ANKS1B: variants seen among roughly 807,000 people sequenced by gnomAD.
ANKS1B encodes ankyrin repeat and sterile alpha motif domain containing 1B, also known as ankyrin repeat and sterile alpha motif domain-containing protein 1B.
ANKS1B carries 36 observed loss-of-function variants against 148.3 expected under a neutral mutation model. The ratio of observed to expected loss-of-function variants is 0.24; its 90% CI spans 0.19 to 0.32. The LOEUF is 0.32. Ranked by LOEUF, ANKS1B falls within the 10% of genes least tolerant of loss-of-function variation. The pLI, the probability that ANKS1B is intolerant of heterozygous loss-of-function variation, is 1.00. For synonymous variants in ANKS1B, 542 were observed against 560.8 expected (o/e 0.97, Z 0.47); for missense variants, 1,157 against 1,542.6 (o/e 0.75, Z 4.19).
intron 1 of ANKS1B, among the ~76,000 whole-genome samples, chr12:99,943,833 A>G (rs1217422441): frequency 1.3e-5 from 2 of 152,012 alleles, no homozygotes; most frequent in East Asian, 3.9e-4. Context: ...TTATACTTTA[A>G]GTTCTGGGAT....
At chr12:98,749,250 C>A (rs2098001653) in intron 26 of ANKS1B, among the ~76,000 whole-genome samples, 1 of 152,010 alleles carries the variant, frequency 6.6e-6, no homozygotes, top group Admixed American at 6.5e-5. Flanking sequence ...AGGCACCCAC[C>A]ACCACGCCCA....
At chr12:99,967,749 A>C (rs2095503353) in intron 1 of ANKS1B, among the ~76,000 whole-genome samples, 1 of 151,962 alleles carries the variant, frequency 6.6e-6, no homozygotes, top group South Asian at 2.1e-4. Flanking sequence ...TCTACTAAAA[A>C]TACAAAAATT....
At chr12:98,895,230 G>T (rs1041022850) in intron 17 of ANKS1B, 1 of 985,556 alleles carries the variant, frequency 1.0e-6, no homozygotes, top group African/African-American at 1.7e-5. Context: ...GCGCGCGGGG[G>T]CCTCCTCCTG....
At chr12:99,814,826 C>G (rs1041587337) in intron 2 of ANKS1B, among the ~76,000 whole-genome samples, 2 of 151,746 alleles carry the variant, frequency 1.3e-5, no homozygotes, top group African/African-American at 4.8e-5. Flanking sequence ...AAAAGTTGTT[C>G]TCAAGGCAGA....
chr12:99,808,343 G>C (rs74360075), intron 3 of ANKS1B, among the ~76,000 whole-genome samples: 1,581 of 152,168 alleles, frequency 0.01, 26 homozygotes, highest in South Asian at 0.056. Flanking sequence ...AAAAGGAGTA[G>C]AGTGACAAGG....
intron 9 of ANKS1B, among the ~76,000 whole-genome samples, chr12:99,586,744 C>T (rs539787950): frequency 1.3e-5 from 2 of 152,210 alleles, no homozygotes; most frequent in African/African-American, 2.4e-5. Context: ...ACAATTATGG[C>T]GGAAGGTGAA....
chr12:99,432,151 G>A (rs189995362), intron 11 of ANKS1B, among the ~76,000 whole-genome samples: 2 of 152,220 alleles, frequency 1.3e-5, no homozygotes, highest in South Asian at 2.1e-4. Context: ...ATGTCAACAC[G>A]ATGCTTCTTG....
chr12:99,191,773 C>G (rs893939784), intron 14 of ANKS1B, among the ~76,000 whole-genome samples: 3 of 152,082 alleles, frequency 2.0e-5, no homozygotes, highest in African/African-American at 7.2e-5. Flanking sequence ...AGCAAACCAC[C>G]GTGGCACGTG....
intron 17 of ANKS1B, among the ~76,000 whole-genome samples, chr12:98,877,607 T>A (rs1157843775): frequency 6.6e-6 from 1 of 152,218 alleles, no homozygotes; most frequent in Non-Finnish European, 1.5e-5. Context: ...CAAGGTTTAC[T>A]GTCTCATTGT....
At chr12:99,108,032 G>T (rs1278210353) in intron 15 of ANKS1B, among the ~76,000 whole-genome samples, 2 of 152,100 alleles carry the variant, frequency 1.3e-5, no homozygotes, top group Non-Finnish European at 2.9e-5. Context: ...AAAGAATAAA[G>T]AATAGGTTCA....
intron 9 of ANKS1B, among the ~76,000 whole-genome samples, chr12:99,611,857 G>A (rs1242036612): frequency 1.1e-4 from 17 of 152,022 alleles, no homozygotes; most frequent in Admixed American, 1.1e-3. Flanking sequence ...CAAAATTAGT[G>A]AAATATCAAT....
intron 9 of ANKS1B, chr12:99,649,260 T>C (rs1487002376): frequency 6.4e-7 from 1 of 1,550,602 alleles, no homozygotes; most frequent in Non-Finnish European, 8.9e-7. Context: ...CTGGTCTCAC[T>C]GTCTTTGCTT....
At chr12:99,678,175 C>T (rs1485151600) in intron 8 of ANKS1B, among the ~76,000 whole-genome samples, 1 of 152,134 alleles carries the variant, frequency 6.6e-6, no homozygotes, top group African/African-American at 2.4e-5. Flanking sequence ...GAGTGGAGTA[C>T]ATACTGTTAC....
chr12:99,534,705 CTTTTCTTTTTTT>C (rs1567295560), intron 9 of ANKS1B, among the ~76,000 whole-genome samples: 2 of 140,276 alleles, frequency 1.4e-5, no homozygotes, highest in African/African-American at 5.3e-5. Context: ...TTTCTTTTTT[CTTTTCTTTTTTT>C]TTTTTTTTTT....
chr12:99,668,905 A>G (rs939017422), intron 8 of ANKS1B, among the ~76,000 whole-genome samples: 1 of 152,040 alleles, frequency 6.6e-6, no homozygotes, highest in African/African-American at 2.4e-5. Flanking sequence ...TTCCTTCTGC[A>G]ATGACAGTCT....
chr12:99,780,331 A>C (rs1015489619), intron 5 of ANKS1B, among the ~76,000 whole-genome samples: 1 of 151,942 alleles, frequency 6.6e-6, no homozygotes, highest in Non-Finnish European at 1.5e-5. Flanking sequence ...GCTGGAGTGC[A>C]GTGGCGCGAT....
At chr12:99,831,258 A>G (rs2083940191) in intron 1 of ANKS1B, among the ~76,000 whole-genome samples, 1 of 151,690 alleles carries the variant, frequency 6.6e-6, no homozygotes, top group Non-Finnish European at 1.5e-5. Context: ...AACCCATACC[A>G]TTATATATTT....
chr12:99,057,580 C>T (rs1282276455), intron 16 of ANKS1B, among the ~76,000 whole-genome samples: 3 of 152,150 alleles, frequency 2.0e-5, no homozygotes, highest in South Asian at 2.1e-4. Flanking sequence ...TCACTCAAGT[C>T]GATTGAACTG....
intron 17 of ANKS1B, among the ~76,000 whole-genome samples, chr12:99,014,011 A>T (rs1400151233): frequency 6.6e-6 from 1 of 152,220 alleles, no homozygotes; most frequent in Non-Finnish European, 1.5e-5. Context: ...CTAGAAAAAA[A>T]CTATTTTAAA....
Sources: allele counts gnomAD v4.1 joint callset (sites outside exome capture counted in the v4.1 genomes callset), GRCh38; gene constraint gnomAD v4.1.1; transcripts MANE v1.5; gene names NCBI Gene and HGNC (gene_info 2026-07-23, HGNC 2026-07-21).